UTP25: variants seen among roughly 807,000 people sequenced by gnomAD.
The protein encoded by UTP25 is UTP25 small subunit processome component, also known as U3 small nucleolar RNA-associated protein 25 homolog.
A neutral mutation model predicts 78.9 loss-of-function variants in UTP25; 50 were observed. The ratio of observed to expected loss-of-function variants is 0.63; its 90% CI spans 0.50 to 0.80. The LOEUF (loss-of-function observed/expected upper bound fraction) is 0.80. Among genes scored for constraint, UTP25 ranks in the 30% least tolerant of loss-of-function variants. UTP25 has a pLI of 0.00. For missense variants in UTP25, 846 were observed against 911.3 expected (o/e 0.93, Z 0.92); for synonymous variants, 329 against 336.5 (o/e 0.98, Z 0.24).
chr1:209,833,117 A>G, intron 3 of UTP25, 68 bp from the exon 4 acceptor site: 1 of 1,456,144 alleles, frequency 6.9e-7, no homozygotes, highest in Non-Finnish European at 9.3e-7. Context: ...GCCTAAGGAA[A>G]TAAATTTTGT....
At chr1:209,830,716 T>C in intron 2 of UTP25, 87 bp from the exon 3 acceptor site, 2 of 1,502,720 alleles carry the variant, frequency 1.3e-6, no homozygotes, top group Non-Finnish European at 1.8e-6. Context: ...TTGGGCTTCG[T>C]TGAATAGATG....
intron 3 of UTP25, among the ~76,000 whole-genome samples, chr1:209,832,581 G>A (rs550431811): frequency 5.3e-5 from 8 of 152,254 alleles, no homozygotes; most frequent in Non-Finnish European, 8.8e-5. Flanking sequence ...AAACAGAACC[G>A]GTAGGATATG....
chr1:209,848,849 T>C (rs1426137344), intron 11 of UTP25, among the ~76,000 whole-genome samples: 1 of 152,240 alleles, frequency 6.6e-6, no homozygotes, highest in Admixed American at 6.5e-5. Flanking sequence ...ATAATACTTA[T>C]GTCCGGCCGC....
intron 6 of UTP25, 103 bp downstream of exon 6, chr1:209,837,314 T>A: frequency 1.5e-6 from 2 of 1,346,404 alleles, no homozygotes; most frequent in Non-Finnish European, 2.0e-6. Flanking sequence ...AATAATTGAC[T>A]GGCATAATGA....
chr1:209,854,715 G>A lies in UTP25; in HGVS notation c.*3268G>A, dbSNP rs2078263305. 6.6e-6 allele frequency: 1 copy of A among 152,372 alleles called. No individual in the cohort carries two copies. Among genetic ancestry groups the A allele is most frequent in the Non-Finnish European group, 1.5e-5 (1 of 68,164 alleles). The allele number at this position is 152,372 out of a possible 1,614,324, so 9.4% of individuals were successfully genotyped here. On this transcript the variant is annotated 3_prime_UTR_variant, in exon 12 of 12. Transcript: ENST00000491415. ...ATTACAGAAGGCCTGGGGTGAGGGA[G>A]CAAGAGTTGGAAGTTCTTTATAGTT...
At chr1:209,842,943 G>C in intron 10 of UTP25, 1 of 476,844 alleles carries the variant, frequency 2.1e-6, no homozygotes, top group East Asian at 3.6e-5. Flanking sequence ...TTTCACTCTT[G>C]ACTGTGGCAT....
At chr1:209,832,997 C>T (rs2078111701) in intron 3 of UTP25, among the ~76,000 whole-genome samples, 188 bp from the exon 4 acceptor site, 1 of 152,142 alleles carries the variant, frequency 6.6e-6, no homozygotes, top group African/African-American at 2.4e-5. Flanking sequence ...AGACATAAAA[C>T]CCACCATCAT....
intron 7 of UTP25, 25 bp from the exon 8 acceptor site, chr1:209,840,828 G>A (rs753012627): frequency 2.5e-6 from 4 of 1,611,002 alleles, no homozygotes; most frequent in Non-Finnish European, 3.4e-6. Context: ...TAATGAATTG[G>A]TGTGTACTTG....
At chr1:209,831,138 A>G in intron 3 of UTP25, 95 bp downstream of exon 3, 1 of 1,302,060 alleles carries the variant, frequency 7.7e-7, no homozygotes, top group Non-Finnish European at 1.1e-6. Context: ...GAGTTGGATG[A>G]AAGGACATGA....
intron 11 of UTP25, among the ~76,000 whole-genome samples, chr1:209,849,072 C>T (rs1228232162): frequency 6.6e-6 from 1 of 151,922 alleles, no homozygotes; most frequent in Non-Finnish European, 1.5e-5. Context: ...GGTCTCACTC[C>T]ACACTCAGAC....
chr1:209,851,324 C>T lies in UTP25; in HGVS notation c.2148C>T (p.Thr716=), dbSNP rs753745291. ...ACAGAGGAGAAGAGGCCACGTGGACCTGCACTGTTCTCTACTCCAAATATG... is the reference window on the plus strand; with the variant it reads ...ACAGAGGAGAAGAGGCCACGTGGACTTGCACTGTTCTCTACTCCAAATATG... The part of the protein sequence containing the change: ...ATNRGEEATW[T]CTVLYSKYDA... Residue 716 remains threonine, a synonymous_variant, in exon 12 of 12, where the codon ACC becomes ACT. Coordinates refer to ENST00000491415, the MANE Select transcript of UTP25 (RefSeq NM_014388.7). 8 of 1,614,202 alleles carry T rather than the reference C, an allele frequency of 5.0e-6. No individual in the cohort carries two copies. Among genetic ancestry groups the T allele is most frequent in the East Asian group, 4.5e-5 (2 of 44,884 alleles).
At chr1:209,835,317 G>A (rs1047440005) in intron 5 of UTP25, among the ~76,000 whole-genome samples, 154 bp downstream of exon 5, 1 of 152,184 alleles carries the variant, frequency 6.6e-6, no homozygotes, top group Non-Finnish European at 1.5e-5. Flanking sequence ...GAAGAGCCTA[G>A]TGGGGCACAG....
rs529404512 is a variant in UTP25 at position 209,841,853 on chromosome 1, T to C, written c.1486-412T>C. On this transcript the variant is annotated intron_variant, in intron 8 of 11. Coordinates refer to ENST00000491415, the MANE Select transcript of UTP25 (RefSeq NM_014388.7). ...GGCATAGTCGAGTTATATTCTTAGA[T>C]TTGAGGAAAAGACAGGGTGACACTG... Among the ~76,000 whole-genome samples, 4 of 152,336 alleles carry C rather than the reference T, an allele frequency of 2.6e-5. No homozygotes were observed. The South Asian group carries it at 8.3e-4, about 32-fold the overall frequency.
In UTP25 at chr1:209,851,300, C is replaced by G; in HGVS notation, c.2124C>G (p.Asn708Lys). The G allele has an allele frequency of 6.2e-7, 1 of 1,614,214 alleles. No individual in the cohort carries two copies. The highest frequency in any genetic ancestry group is 8.5e-7 in the Non-Finnish European group (1 of 1,180,034). ...TCTGTAATATGCTGAGAGCCACCAACAGAGGAGAAGAGGCCACGTGGACCT... is the reference window on the plus strand; with the variant it reads ...TCTGTAATATGCTGAGAGCCACCAAGAGAGGAGAAGAGGCCACGTGGACCT... ...SEICNMLRAT[N>K]RGEEATWTCT... The change falls in exon 12 of 12, where the codon AAC (asparagine) becomes AAG (lysine). Residue 708 changes from asparagine to lysine, a missense_variant. Asn to Lys is a moderately conservative substitution (Grantham distance 94). Coordinates refer to ENST00000491415, the MANE Select transcript of UTP25 (RefSeq NM_014388.7).
In UTP25 at chr1:209,851,243, A is replaced by C. The variant is rs1572010364; in HGVS notation, c.2067A>C (p.Glu689Asp). The change falls in exon 12 of 12, where the codon GAA becomes GAC. Residue 689 changes from glutamate to aspartate, a missense_variant. By Grantham distance (45) the Glu-to-Asp change is conservative (BLOSUM62 2). Coordinates refer to ENST00000491415, the MANE Select transcript of UTP25 (RefSeq NM_014388.7). The stretch of plus-strand genomic sequence containing the variant: ...GCATCAGGAACCTGATTTTCTATGA[A>C]CTGCCGACATATCCACACTTTTACA... ...IKGIRNLIFY[E>D]LPTYPHFYSE... 2 of 1,614,022 alleles carry C rather than the reference A, an allele frequency of 1.2e-6. No homozygotes were observed. The highest frequency in any genetic ancestry group is 3.3e-5 in the Admixed American group (2 of 59,978).
chr1:209,830,013 T>G, intron 1 of UTP25, 95 bp from the exon 2 acceptor site: 1 of 1,092,712 alleles, frequency 9.2e-7, no homozygotes, highest in Non-Finnish European at 1.4e-6. Context: ...ATTTATAATG[T>G]TATATTCTGC....
chr1:209,831,693 A>G (rs530254027), intron 3 of UTP25, among the ~76,000 whole-genome samples: 11 of 152,318 alleles, frequency 7.2e-5, no homozygotes, highest in African/African-American at 2.6e-4. Flanking sequence ...ATTACCTCCA[A>G]AAATTTTTCT....
intron 6 of UTP25, among the ~76,000 whole-genome samples, chr1:209,838,255 A>G (rs1488340473): frequency 4.6e-5 from 7 of 152,262 alleles, no homozygotes; most frequent in Non-Finnish European, 1.0e-4. Context: ...ATAGGAAATT[A>G]GAAATTAACC....
chr1:209,829,643 C>T (rs958451439), intron 1 of UTP25, among the ~76,000 whole-genome samples: 9 of 113,988 alleles, frequency 7.9e-5, no homozygotes, highest in South Asian at 3.1e-4. Context: ...AACACAACTC[C>T]GGGCTAATTT....
Sources: allele counts gnomAD v4.1 joint callset (sites outside exome capture counted in the v4.1 genomes callset), GRCh38; gene constraint gnomAD v4.1.1; transcripts MANE v1.5; gene names NCBI Gene and HGNC (gene_info 2026-07-23, HGNC 2026-07-21).